TBC1D22A: variants seen among roughly 807,000 people sequenced by gnomAD.
The protein encoded by TBC1D22A is TBC1 domain family member 22A, also known as putative GTPase activator.
A neutral mutation model predicts 60.2 loss-of-function variants in TBC1D22A; 38 were observed. The observed-to-expected ratio is 0.63, with a 90% CI of 0.49 to 0.83. The LOEUF (loss-of-function observed/expected upper bound fraction) is 0.83. Among genes scored for constraint, TBC1D22A ranks in the 40% least tolerant of loss-of-function variants. TBC1D22A has a pLI of 0.00. For missense variants in TBC1D22A, 628 were observed against 701.0 expected (o/e 0.90, Z 1.18); for synonymous variants, 302 against 281.7 (o/e 1.07, Z -0.72).
At chr22:47,158,622 G>A (rs2067816785) in intron 12 of TBC1D22A, among the ~76,000 whole-genome samples, 1 of 152,170 alleles carries the variant, frequency 6.6e-6, no homozygotes, top group Non-Finnish European at 1.5e-5. Flanking sequence ...CCAACTGCCA[G>A]ACCCAGCATG....
chr22:46,886,135 G>A (rs560522318), intron 5 of TBC1D22A, among the ~76,000 whole-genome samples: 27 of 152,142 alleles, frequency 1.8e-4, no homozygotes, highest in African/African-American at 5.3e-4. Context: ...TCCTGACCTC[G>A]TGATCTGCCC....
At chr22:47,031,480 C>T (rs1239088351) in intron 10 of TBC1D22A, among the ~76,000 whole-genome samples, 2 of 152,244 alleles carry the variant, frequency 1.3e-5, no homozygotes, top group East Asian at 3.8e-4. Context: ...GAGGTTAACG[C>T]TGTGTCCGGT....
At chr22:46,951,820 A>C (rs1446723625) in intron 8 of TBC1D22A, among the ~76,000 whole-genome samples, 3 of 152,182 alleles carry the variant, frequency 2.0e-5, no homozygotes, top group Non-Finnish European at 4.4e-5. Flanking sequence ...GTCTTTCTTT[A>C]AGGTGTCCTG....
chr22:46,837,263 GA>G (rs1333694057), intron 4 of TBC1D22A, among the ~76,000 whole-genome samples: 1 of 152,186 alleles, frequency 6.6e-6, no homozygotes, highest in Non-Finnish European at 1.5e-5. Context: ...TATATTAACA[GA>G]ATTTAAGGAA....
intron 11 of TBC1D22A, among the ~76,000 whole-genome samples, chr22:47,051,041 CTGGGGCTTCCCCA>C (rs1307412654): frequency 2.0e-5 from 3 of 152,192 alleles, no homozygotes; most frequent in African/African-American, 7.2e-5. Flanking sequence ...GGCGGCGGCT[CTGGGGCTTCCCCA>C]GGGGGCTTCC....
chr22:46,911,497 G>A (rs967927299), intron 7 of TBC1D22A, among the ~76,000 whole-genome samples: 6 of 152,196 alleles, frequency 3.9e-5, no homozygotes, highest in South Asian at 2.1e-4. Context: ...ACGGTGGCCC[G>A]CGGGGTGTGG....
intron 12 of TBC1D22A, among the ~76,000 whole-genome samples, chr22:47,152,933 G>A (rs542161970): frequency 1.6e-3 from 245 of 152,220 alleles, no homozygotes; most frequent in African/African-American, 5.8e-3. Flanking sequence ...TAATTGGAAC[G>A]AGGATTGACT....
At chr22:46,947,754 A>AG (rs2072641501) in intron 8 of TBC1D22A, among the ~76,000 whole-genome samples, 1 of 151,406 alleles carries the variant, frequency 6.6e-6, no homozygotes, top group Non-Finnish European at 1.5e-5. Context: ...GAGGTGGCAG[A>AG]GACGCCTGCC....
At chr22:46,911,388 C>A (rs942526837) in intron 7 of TBC1D22A, among the ~76,000 whole-genome samples, 1 of 152,210 alleles carries the variant, frequency 6.6e-6, no homozygotes, top group Non-Finnish European at 1.5e-5. Flanking sequence ...TTTAGAGCAT[C>A]CACCCACCCA....
In TBC1D22A at chr22:46,762,698, G is replaced by T; in HGVS notation, c.-89G>T. 2 of 1,200,332 alleles carry T rather than the reference G, an allele frequency of 1.7e-6. No individual in the cohort carries two copies. The highest frequency in any genetic ancestry group is 1.1e-6 in the Non-Finnish European group (1 of 909,584). The allele number at this position is 1,200,332 out of a possible 1,614,324, so 74.4% of individuals were successfully genotyped here. ...TCTGGAGTCCCGGGAGCAGTGAGGG[G>T]CCACCCGGGGCACAGGAAAGGGCCG... On this transcript the variant is annotated 5_prime_UTR_variant, in exon 1 of 13. Transcript: ENST00000337137.
chr22:47,057,026 G>T (rs770292949), intron 11 of TBC1D22A, among the ~76,000 whole-genome samples: 1 of 152,220 alleles, frequency 6.6e-6, no homozygotes, highest in Non-Finnish European at 1.5e-5. Flanking sequence ...GAGAGAACCC[G>T]TGAGGTCAGC....
chr22:46,794,092 C>T (rs555641214), intron 3 of TBC1D22A, among the ~76,000 whole-genome samples: 1 of 152,198 alleles, frequency 6.6e-6, no homozygotes, highest in Non-Finnish European at 1.5e-5. Flanking sequence ...GGCTTCTGGC[C>T]TAGCTACGTG....
chr22:47,097,632 A>G (rs948390505), intron 11 of TBC1D22A, among the ~76,000 whole-genome samples: 15 of 152,112 alleles, frequency 9.9e-5, no homozygotes, highest in African/African-American at 3.4e-4. Flanking sequence ...AAAGAAAAAG[A>G]AAAGAAATGC....
intron 10 of TBC1D22A, among the ~76,000 whole-genome samples, chr22:47,010,846 A>G (rs1306501032): frequency 6.6e-6 from 1 of 152,172 alleles, no homozygotes; most frequent in Non-Finnish European, 1.5e-5. Context: ...CAACAAATCA[A>G]AGAAATAGAA....
intron 7 of TBC1D22A, among the ~76,000 whole-genome samples, chr22:46,895,564 G>A (rs1232855037): frequency 6.6e-6 from 1 of 152,074 alleles, no homozygotes; most frequent in Non-Finnish European, 1.5e-5. Flanking sequence ...TAGAGATAGG[G>A]ATTTGCCTTG....
rs774585128 is a variant in TBC1D22A at position 46,891,419 on chromosome 22, A to G, written c.837+25A>G. On this transcript the variant is annotated intron_variant, in intron 6 of 12. Transcript: ENST00000337137. ...GGTGGGAATCCTTTCTTTTTTTCGTATGTTGCCTGATGTACTTTGCTTTGC... is the reference window on the plus strand; with the variant it reads ...GGTGGGAATCCTTTCTTTTTTTCGTGTGTTGCCTGATGTACTTTGCTTTGC... 6.3e-6 allele frequency: 10 copies of G among 1,582,896 alleles called. No homozygotes were observed. In the South Asian group the frequency reaches 1.1e-4, roughly 17 times the overall value.
At chr22:46,890,695 G>T (rs988269739) in intron 5 of TBC1D22A, among the ~76,000 whole-genome samples, 7 of 152,176 alleles carry the variant, frequency 4.6e-5, no homozygotes, top group African/African-American at 7.2e-5. Flanking sequence ...GTGCTGCCTG[G>T]CCCTTTCTGA....
intron 11 of TBC1D22A, among the ~76,000 whole-genome samples, chr22:47,081,117 T>C (rs2064449560): frequency 2.1e-5 from 2 of 96,348 alleles, no homozygotes; most frequent in Non-Finnish European, 3.9e-5. Context: ...CGAAACTCCG[T>C]CTCAAAAAAA....
rs113872007 is a variant in TBC1D22A, at chr22:46,946,680, T to A, written c.1016-27610T>A. Among the ~76,000 whole-genome samples, 354 of 152,298 alleles carry A rather than the reference T, an allele frequency of 2.3e-3. 2 individuals are homozygous for A. Among genetic ancestry groups the A allele is most frequent in the African/African-American group, 8.2e-3 (340 of 41,570 alleles). ...ACTGAGTTTCCCAGGCAGTTTTCATTTTGAGGTGAGTCTGTTTCATTCATT... is the reference window on the plus strand; with the variant it reads ...ACTGAGTTTCCCAGGCAGTTTTCATATTGAGGTGAGTCTGTTTCATTCATT... On this transcript the variant is annotated intron_variant, in intron 8 of 12. Coordinates refer to ENST00000337137, the MANE Select transcript of TBC1D22A (RefSeq NM_014346.5).
Sources: gnomAD v4.1 joint callset for allele counts (sites outside exome capture counted in the v4.1 genomes callset) on GRCh38, gnomAD v4.1.1 for gene constraint, MANE v1.5 for transcripts, NCBI Gene and HGNC (gene_info 2026-07-23, HGNC 2026-07-21) for gene names.